Variants in DIAPH3 observed in about 807,000 individuals in gnomAD.
The protein encoded by DIAPH3 is protein diaphanous homolog 3.
In DIAPH3, 117 loss-of-function variants were observed where a neutral mutation model predicts 144.3. That is an observed-to-expected ratio of 0.81 (90% CI 0.70 to 0.95). DIAPH3 has a LOEUF of 0.95. DIAPH3 is among the 40% of genes least tolerant of loss of function. The probability of loss-of-function intolerance (pLI) is 0.00; values close to 1 mark genes in which losing one functional copy is unlikely to be tolerated. For missense variants in DIAPH3, 1,421 were observed against 1,412.7 expected (o/e 1.01, Z -0.09); for synonymous variants, 519 against 488.9 (o/e 1.06, Z -0.81).
At chr13:59,779,988 C>A (rs554359728) in intron 25 of DIAPH3, among the ~76,000 whole-genome samples, 4 of 152,086 alleles carry the variant, frequency 2.6e-5, no homozygotes, top group Admixed American at 2.0e-4. Flanking sequence ...GAACATTCAA[C>A]CAACACATGT....
intron 22 of DIAPH3, among the ~76,000 whole-genome samples, chr13:59,858,423 C>G (rs1462172291): frequency 6.6e-6 from 1 of 152,014 alleles, no homozygotes; most frequent in Non-Finnish European, 1.5e-5. Flanking sequence ...TCAATAAAGG[C>G]TTGTTAAGTT....
intron 17 of DIAPH3, among the ~76,000 whole-genome samples, chr13:59,936,719 CA>C (rs1254303169): frequency 2.0e-5 from 3 of 152,150 alleles, no homozygotes; most frequent in African/African-American, 7.2e-5. Context: ...TATCTTGGCT[CA>C]TCACAACTTC....
intron 1 of DIAPH3, among the ~76,000 whole-genome samples, chr13:60,144,532 G>A (rs546191350): frequency 2.6e-4 from 40 of 152,208 alleles, no homozygotes; most frequent in Non-Finnish European, 4.9e-4. Context: ...AGCCCTAGCC[G>A]CAGCTAAACA....
intron 2 of DIAPH3, among the ~76,000 whole-genome samples, chr13:60,127,687 T>C (rs2059023875): frequency 6.6e-6 from 1 of 152,160 alleles, no homozygotes; most frequent in South Asian, 2.1e-4. Context: ...AACTGAACTA[T>C]AGTTCAGAAT....
At chr13:59,980,315 T>G (rs2050917998) in intron 14 of DIAPH3, among the ~76,000 whole-genome samples, 1 of 151,610 alleles carries the variant, frequency 6.6e-6, no homozygotes, top group Non-Finnish European at 1.5e-5. Context: ...TTTTTATATA[T>G]GATTTCATTC....
intron 27 of DIAPH3, among the ~76,000 whole-genome samples, chr13:59,722,927 C>T (rs1566223156): frequency 6.6e-6 from 1 of 152,182 alleles, no homozygotes; most frequent in Non-Finnish European, 1.5e-5. Flanking sequence ...TGATTAAATA[C>T]TTCACTGCTT....
At chr13:59,896,607 G>T (rs535831173) in intron 20 of DIAPH3, among the ~76,000 whole-genome samples, 2 of 151,662 alleles carry the variant, frequency 1.3e-5, no homozygotes, top group Non-Finnish European at 1.5e-5. Flanking sequence ...GGAGGCAGGG[G>T]GGTCGGTCCT....
Position 59,810,825 on chromosome 13 carries a change from G to T in DIAPH3, c.3126C>A (p.Arg1042=). Residue 1042 remains arginine (R), a synonymous_variant, in exon 25 of 28, where the codon CGC becomes CGA. Coordinates refer to ENST00000400324, the MANE Select transcript of DIAPH3 (RefSeq NM_001042517.2). ...KELAERERLE[R]QQKKKRLLEM... ...CTAATAAACGCTTTTTCTTTTGTTGGCGTTCGAGTCTTTCTCGCTCTGCTA... is the reference window on the plus strand; with the variant it reads ...CTAATAAACGCTTTTTCTTTTGTTGTCGTTCGAGTCTTTCTCGCTCTGCTA... 1 of 1,613,448 alleles carries T rather than the reference G, an allele frequency of 6.2e-7. No homozygotes were observed.
At chr13:59,902,067 T>A (rs1018744323) in intron 20 of DIAPH3, among the ~76,000 whole-genome samples, 13 of 152,216 alleles carry the variant, frequency 8.5e-5, no homozygotes, top group African/African-American at 2.7e-4. Context: ...TAATTTTCCA[T>A]GAATGTCACT....
chr13:59,978,939 C>T (rs2050830313), intron 14 of DIAPH3, among the ~76,000 whole-genome samples: 1 of 151,646 alleles, frequency 6.6e-6, no homozygotes, highest in African/African-American at 2.4e-5. Flanking sequence ...CATTTCTGGT[C>T]TTCATTTTTC....
At chr13:60,158,793 T>G (rs1311838871) in intron 1 of DIAPH3, among the ~76,000 whole-genome samples, 1 of 151,644 alleles carries the variant, frequency 6.6e-6, no homozygotes, top group Admixed American at 6.6e-5. Context: ...ACCCTGTCTC[T>G]CAGGGGCTGG....
At chr13:60,016,487 C>G (rs901140036) in intron 5 of DIAPH3, among the ~76,000 whole-genome samples, 2 of 152,178 alleles carry the variant, frequency 1.3e-5, no homozygotes, top group East Asian at 1.9e-4. Context: ...GAGCCTCCCC[C>G]ACCCACGCAC....
chr13:60,129,488 A>G (rs963090284), intron 2 of DIAPH3, among the ~76,000 whole-genome samples: 2 of 152,210 alleles, frequency 1.3e-5, no homozygotes, highest in Non-Finnish European at 2.9e-5. Flanking sequence ...ATAGTAACTC[A>G]AGAAATAACC....
At chr13:59,935,029 C>A (rs751154976) in intron 17 of DIAPH3, among the ~76,000 whole-genome samples, 8 of 152,208 alleles carry the variant, frequency 5.3e-5, no homozygotes, top group Admixed American at 4.6e-4. Flanking sequence ...ACACAGTTGA[C>A]TCTTGAACAA....
chr13:59,711,179 C>T (rs964552765), intron 27 of DIAPH3, among the ~76,000 whole-genome samples: 7 of 152,132 alleles, frequency 4.6e-5, no homozygotes, highest in Admixed American at 2.6e-4. Context: ...TCATAAAATA[C>T]ACTCCCCAAG....
chr13:59,945,512 C>G (rs1449545647), intron 17 of DIAPH3, among the ~76,000 whole-genome samples: 1 of 151,974 alleles, frequency 6.6e-6, no homozygotes, highest in Admixed American at 6.6e-5. Flanking sequence ...GTAACCAAAA[C>G]GAGAGCCCTG....
chr13:60,043,084 T>C (rs555449505), intron 4 of DIAPH3, among the ~76,000 whole-genome samples: 48 of 152,282 alleles, frequency 3.2e-4, no homozygotes, highest in African/African-American at 1.1e-3. Context: ...TGGAGAACAA[T>C]TGTATACTAT....
At chr13:59,742,700 G>C (rs2036521793) in intron 27 of DIAPH3, among the ~76,000 whole-genome samples, 1 of 138,208 alleles carries the variant, frequency 7.2e-6, no homozygotes, top group African/African-American at 2.8e-5. Context: ...AAGGGAGAAA[G>C]GGAGAAAGAA....
At chr13:59,716,643 T>A (rs752766124) in intron 27 of DIAPH3, among the ~76,000 whole-genome samples, 1 of 152,120 alleles carries the variant, frequency 6.6e-6, no homozygotes, top group Non-Finnish European at 1.5e-5. Flanking sequence ...TATTATCACC[T>A]CCATTTTACA....
Sources: gnomAD v4.1 joint callset for allele counts (sites outside exome capture counted in the v4.1 genomes callset) on GRCh38, gnomAD v4.1.1 for gene constraint, MANE v1.5 for transcripts, NCBI Gene and HGNC (gene_info 2026-07-23, HGNC 2026-07-21) for gene names.